Variants in C2orf92 observed in about 807,000 individuals in gnomAD.
C2orf92 encodes the protein chromosome 2 open reading frame 92, also known as uncharacterized protein C2orf92.
chr2:97,676,865 C>T (rs1004294348), intron 3 of C2orf92, among the ~76,000 whole-genome samples: 1 of 152,162 alleles, frequency 6.6e-6, no homozygotes, highest in Admixed American at 6.5e-5. Context: ...TAAAGCCCTT[C>T]AGGTGATTCT....
At chr2:97,674,030 G>T (rs184681557) in intron 1 of C2orf92, among the ~76,000 whole-genome samples, 1 of 152,182 alleles carries the variant, frequency 6.6e-6, no homozygotes, top group African/African-American at 2.4e-5. Context: ...AAAACCTGAC[G>T]TATAGTGGCT....
intron 3 of C2orf92, among the ~76,000 whole-genome samples, chr2:97,682,711 TATC>T (rs1457756027): frequency 6.6e-6 from 1 of 150,894 alleles, no homozygotes; most frequent in African/African-American, 2.4e-5. Flanking sequence ...GGAGAAAAAA[TATC>T]ATTTCAATTG....
chr2:97,678,353 G>A (rs1416045993), intron 3 of C2orf92, among the ~76,000 whole-genome samples: 4 of 151,892 alleles, frequency 2.6e-5, no homozygotes. Context: ...TATACATTAT[G>A]GGAGTCTCAG....
rs557165510 is a variant in C2orf92 at position 97,695,902 on chromosome 2, C to A, written c.404-3124C>A. 2.6e-5 allele frequency among the ~76,000 whole-genome samples: 4 copies of A among 152,300 alleles called. No individual in the cohort carries two copies. The East Asian group carries it at 7.7e-4, about 29-fold the overall frequency. On this transcript the variant is annotated intron_variant, in intron 5 of 7. Coordinates refer to ENST00000627399, the MANE Select transcript of C2orf92 (RefSeq NM_001351368.2). ...GAGTAGCTGGGACTACAGGCACGCACCACCATGCCCGGCAGTCTTGCCTAG... is the reference window on the plus strand; with the variant it reads ...GAGTAGCTGGGACTACAGGCACGCAACACCATGCCCGGCAGTCTTGCCTAG...
intron 7 of C2orf92, among the ~76,000 whole-genome samples, chr2:97,702,439 G>A (rs1249937606): frequency 6.6e-6 from 1 of 152,146 alleles, no homozygotes; most frequent in Non-Finnish European, 1.5e-5. Flanking sequence ...ATAGGGACCA[G>A]TCAAAGTTGT....
chr2:97,686,375 A>G (rs1573216872), intron 3 of C2orf92, among the ~76,000 whole-genome samples: 2 of 152,278 alleles, frequency 1.3e-5, no homozygotes, highest in Admixed American at 1.3e-4. Context: ...TTGAGGACAC[A>G]TTTAAATCAT....
intron 3 of C2orf92, among the ~76,000 whole-genome samples, chr2:97,676,449 GAA>G (rs58388976): frequency 0.47 from 46,688 of 99,066 alleles, 11,089 homozygotes; most frequent in Non-Finnish European, 0.61. Context: ...AAAAAAAAAA[GAA>G]AAAAAAAAAA....
At chr2:97,693,194 A>T (rs1185853777) in intron 5 of C2orf92, among the ~76,000 whole-genome samples, 1 of 152,152 alleles carries the variant, frequency 6.6e-6, no homozygotes, top group Non-Finnish European at 1.5e-5. Context: ...ATTCTATTGT[A>T]TATATATACC....
At chr2:97,684,175 A>G (rs1327617310) in intron 3 of C2orf92, among the ~76,000 whole-genome samples, 1 of 151,776 alleles carries the variant, frequency 6.6e-6, no homozygotes, top group Non-Finnish European at 1.5e-5. Context: ...AGCTGGGACT[A>G]CAGGCGCCCG....
intron 4 of C2orf92, among the ~76,000 whole-genome samples, chr2:97,689,349 C>T (rs1676057710): frequency 6.6e-6 from 1 of 152,216 alleles, no homozygotes; most frequent in African/African-American, 2.4e-5. Context: ...CAACCCAACA[C>T]ACGAATCCTT....
intron 3 of C2orf92, among the ~76,000 whole-genome samples, chr2:97,687,884 C>T (rs145823811): frequency 7.4e-4 from 111 of 150,440 alleles, no homozygotes; most frequent in Non-Finnish European, 1.4e-3. Flanking sequence ...TTGCAGTCCC[C>T]CTAGCTGTGC....
At chr2:97,687,107 G>A (rs1332555450) in intron 3 of C2orf92, among the ~76,000 whole-genome samples, 1 of 152,092 alleles carries the variant, frequency 6.6e-6, no homozygotes, top group African/African-American at 2.4e-5. Flanking sequence ...GCTCATGCCT[G>A]TAATTTCAAC....
intron 5 of C2orf92, among the ~76,000 whole-genome samples, chr2:97,693,265 T>C (rs1469906535): frequency 6.6e-6 from 1 of 152,228 alleles, no homozygotes; most frequent in African/African-American, 2.4e-5. Context: ...ATCTTGGCTA[T>C]TGTAAATAAT....
intron 5 of C2orf92, among the ~76,000 whole-genome samples, chr2:97,692,814 C>G (rs758902477): frequency 6.6e-6 from 1 of 152,202 alleles, no homozygotes; most frequent in Non-Finnish European, 1.5e-5. Flanking sequence ...GCTGGAGATA[C>G]AGTGGGCATC....
At chr2:97,679,522 A>T (rs1675691471) in intron 3 of C2orf92, among the ~76,000 whole-genome samples, 1 of 152,240 alleles carries the variant, frequency 6.6e-6, no homozygotes, top group East Asian at 1.9e-4. Context: ...AATAATAACT[A>T]AAAAAATATG....
intron 3 of C2orf92, among the ~76,000 whole-genome samples, chr2:97,683,866 T>C (rs1326008139): frequency 2.7e-5 from 4 of 150,766 alleles, no homozygotes; most frequent in African/African-American, 7.3e-5. Context: ...TTTCTTTTCT[T>C]TTTTTTTTGA....
chr2:97,664,120 A>G (rs1573188731), upstream of C2orf92: 3 of 259,474 alleles, frequency 1.2e-5, no homozygotes, highest in Non-Finnish European at 2.2e-5. Flanking sequence ...TGGCTGCGCG[A>G]AGGGGGCGGG....
upstream of C2orf92, chr2:97,665,750 TATATATATATATA>T (rs1259185791): frequency 4.0e-5 from 2 of 50,358 alleles, no homozygotes; most frequent in African/African-American, 1.0e-4. Flanking sequence ...TATATATATA[TATATATATATATA>T]TATATATATA....
At chr2:97,680,300 A>C (rs1675726585) in intron 3 of C2orf92, among the ~76,000 whole-genome samples, 1 of 152,198 alleles carries the variant, frequency 6.6e-6, no homozygotes, top group Non-Finnish European at 1.5e-5. Flanking sequence ...CTCCATCTCA[A>C]AAACAAAAAC....
Sources: allele counts gnomAD v4.1 joint callset (sites outside exome capture counted in the v4.1 genomes callset), GRCh38; gene constraint gnomAD v4.1.1; transcripts MANE v1.5; gene names NCBI Gene and HGNC (gene_info 2026-07-23, HGNC 2026-07-21).